The following TNC variants were observed in gnomAD, a reference collection of about 807,000 sequenced individuals.
TNC encodes tenascin.
In TNC, 109 loss-of-function variants were observed where a neutral mutation model predicts 202.4. The observed-to-expected ratio is 0.54, with a 90% CI of 0.46 to 0.63. TNC has a LOEUF of 0.63. Among genes scored for constraint, TNC ranks in the 30% least tolerant of loss-of-function variants. The pLI is 0.00. For missense variants in TNC, 2,756 were observed against 2,833.3 expected (o/e 0.97, Z 0.62); for synonymous variants, 1,007 against 1,089.7 (o/e 0.92, Z 1.50).
At chr9:115,067,141 C>T (rs1833015185) in intron 10 of TNC, among the ~76,000 whole-genome samples, 1 of 152,142 alleles carries the variant, frequency 6.6e-6, no homozygotes, top group Admixed American at 6.5e-5. Flanking sequence ...TCCTGCTGGG[C>T]CTTGTGAGGC....
At chr9:115,066,372 A>G (rs898090254) in intron 10 of TNC, among the ~76,000 whole-genome samples, 2 of 152,140 alleles carry the variant, frequency 1.3e-5, no homozygotes, top group Non-Finnish European at 2.9e-5. Flanking sequence ...AAAAGAACAA[A>G]CTGTTTTTTT....
intron 11 of TNC, 84 bp from the exon 12 acceptor site, chr9:115,064,152 A>T (rs1832763525): frequency 1.5e-6 from 2 of 1,348,670 alleles, no homozygotes; most frequent in Non-Finnish European, 2.0e-6. Flanking sequence ...AAGCTGAATA[A>T]TAATATTACT....
At chr9:115,070,148 T>C (rs1330664892) in intron 10 of TNC, among the ~76,000 whole-genome samples, 2 of 152,064 alleles carry the variant, frequency 1.3e-5, no homozygotes, top group Non-Finnish European at 2.9e-5. Flanking sequence ...AGTAAACCAA[T>C]ACTTGCATAA....
chr9:115,026,773 C>T, intron 25 of TNC, 78 bp from the exon 26 acceptor site: 2 of 1,444,688 alleles, frequency 1.4e-6, no homozygotes, highest in Non-Finnish European at 1.9e-6. Flanking sequence ...GTAAAAGCGG[C>T]AACTGGGTAC....
chr9:115,072,710 C>T (rs72758653), intron 10 of TNC, among the ~76,000 whole-genome samples: 3 of 152,316 alleles, frequency 2.0e-5, no homozygotes, highest in Non-Finnish European at 2.9e-5. Flanking sequence ...TTGGGAACTA[C>T]TTTTCCTCAA....
intron 2 of TNC, 152 bp downstream of exon 2, chr9:115,090,410 C>T: frequency 1.6e-6 from 1 of 610,300 alleles, no homozygotes; most frequent in Non-Finnish European, 2.8e-6. Context: ...GCAGTCTCCA[C>T]ACTTATTTGA....
Position 115,086,002 on chromosome 9 carries a change from G to A in TNC, c.1729C>T (p.Gln577Ter). The A allele has an allele frequency of 6.2e-7, 1 of 1,613,892 alleles. No individual in the cohort carries two copies. Among genetic ancestry groups the A allele is most frequent in the Non-Finnish European group, 8.5e-7 (1 of 1,179,922 alleles). Residue 577 changes from glutamine to a stop codon, truncating the protein, a stop_gained, in exon 3 of 28, where the codon CAG (glutamine) becomes TAG (stop). Transcript: ENST00000350763. LOFTEE classifies it high-confidence loss of function. ...GTGAAGCCCTCGTGGCAGATGCACT[G>A]GCCGTCCACGCAGCGGCCCTGGCCA... is the stretch of plus-strand genomic sequence containing the variant. The part of the protein sequence containing the change: ...CHGQGRCVDG[Q>*]CICHEGFTGL...
Position 115,076,515 on chromosome 9 carries a change from T to C in TNC, c.2735A>G (p.Glu912Gly). ...AATAGCTGCCTTGCCATTCCTCCAT[T>C]CCAGGGTGATGCTGTTATCTGTCTG... ...VSQTDNSITL[E>G]WRNGKAAIDS... Residue 912 changes from glutamate to glycine, a missense_variant, in exon 8 of 28, where the codon GAA (glutamate) becomes GGA (glycine). This residue lies in a region of TNC where 2,559 missense variants were observed against 2,546.0 expected (regional missense o/e 1.01). Coordinates refer to ENST00000350763, the MANE Select transcript of TNC (RefSeq NM_002160.4). The C allele has an allele frequency of 6.2e-7, 1 of 1,614,218 alleles. No individual in the cohort carries two copies. Among genetic ancestry groups the C allele is most frequent in the Middle Eastern group, 1.7e-4 (1 of 6,060 alleles).
chr9:115,104,496 G>A (rs1398578725), intron 1 of TNC, among the ~76,000 whole-genome samples: 2 of 152,290 alleles, frequency 1.3e-5, no homozygotes, highest in African/African-American at 2.4e-5. Flanking sequence ...TGCCTTTAGA[G>A]TCAGGAAGAC....
At chr9:115,115,376 G>A (rs751752007) in intron 1 of TNC, among the ~76,000 whole-genome samples, 1 of 152,144 alleles carries the variant, frequency 6.6e-6, no homozygotes, top group Non-Finnish European at 1.5e-5. Flanking sequence ...CCTCTGACTT[G>A]GTGATCACGG....
chr9:115,096,690 T>G (rs1337710422), intron 1 of TNC, among the ~76,000 whole-genome samples: 1 of 152,228 alleles, frequency 6.6e-6, no homozygotes, highest in Non-Finnish European at 1.5e-5. Flanking sequence ...AGCATGTATG[T>G]GCATTGTAGT....
At chr9:115,035,489 A>C (rs193223364) in intron 21 of TNC, among the ~76,000 whole-genome samples, 155 bp from the exon 22 acceptor site, 1 of 152,314 alleles carries the variant, frequency 6.6e-6, no homozygotes, top group East Asian at 1.9e-4. Context: ...AAGGTGGTTG[A>C]GCCAGATGAT....
intron 1 of TNC, among the ~76,000 whole-genome samples, chr9:115,096,122 G>T (rs1835770223): frequency 6.6e-6 from 1 of 152,116 alleles, no homozygotes; most frequent in Non-Finnish European, 1.5e-5. Flanking sequence ...TGTGACTTAT[G>T]AAATTGTTTT....
intron 27 of TNC, among the ~76,000 whole-genome samples, chr9:115,022,171 C>T (rs1829124282): frequency 6.6e-6 from 1 of 152,228 alleles, no homozygotes; most frequent in South Asian, 2.1e-4. Context: ...AATAGAGACA[C>T]TTTATTTGCT....
intron 16 of TNC, among the ~76,000 whole-genome samples, chr9:115,047,240 CTTTTT>C (rs397975455): frequency 9.3e-6 from 1 of 107,232 alleles, no homozygotes; most frequent in African/African-American, 3.6e-5. Context: ...CTACCCTTGA[CTTTTT>C]TTTTTTTTTT....
intron 10 of TNC, among the ~76,000 whole-genome samples, chr9:115,071,535 G>A (rs1288645098): frequency 6.6e-6 from 1 of 152,150 alleles, no homozygotes; most frequent in Non-Finnish European, 1.5e-5. Flanking sequence ...CAGGATCTTA[G>A]GGAGATAAAA....
At chr9:115,061,030 T>C (rs1342124682) in intron 13 of TNC, among the ~76,000 whole-genome samples, 3 of 152,112 alleles carry the variant, frequency 2.0e-5, no homozygotes, top group Non-Finnish European at 2.9e-5. Context: ...AAAGTTTGGA[T>C]TTAGGATATG....
intron 15 of TNC, among the ~76,000 whole-genome samples, chr9:115,053,796 T>C (rs533371811): frequency 2.0e-5 from 3 of 152,344 alleles, no homozygotes; most frequent in Non-Finnish European, 4.4e-5. Flanking sequence ...AAGGTGAAGA[T>C]GGCTTCCATT....
chr9:115,027,769 G>C (rs1008073573), intron 25 of TNC, among the ~76,000 whole-genome samples: 3 of 152,124 alleles, frequency 2.0e-5, no homozygotes, highest in African/African-American at 7.2e-5. Context: ...TGGATGAATG[G>C]ATGGGTGATA....
Sources: allele counts gnomAD v4.1 joint callset (sites outside exome capture counted in the v4.1 genomes callset), GRCh38; gene constraint gnomAD v4.1.1; regional missense constraint gnomAD v4.1.1; transcripts MANE v1.5; gene names NCBI Gene and HGNC (gene_info 2026-07-23, HGNC 2026-07-21).